INO80D: variants seen among roughly 807,000 people sequenced by gnomAD.
INO80D encodes the protein INO80 complex subunit D.
In INO80D, 21 loss-of-function variants were observed where a neutral mutation model predicts 87.6. The observed-to-expected ratio is 0.24, with a 90% confidence interval of 0.17 to 0.35. The LOEUF is 0.35. INO80D is among the 10% of genes least tolerant of loss of function. The pLI is 1.00. For synonymous variants in INO80D, 440 were observed against 491.0 expected, an observed-to-expected ratio of 0.90 and a Z score of 1.37; for missense variants, 982 against 1,280.7, an observed-to-expected ratio of 0.77 and a Z score of 3.56.
At chr2:206,073,330 C>G (rs969514114) in intron 1 of INO80D, among the ~76,000 whole-genome samples, 3 of 152,170 alleles carry the variant, frequency 2.0e-5, no homozygotes, top group Non-Finnish European at 2.9e-5. Flanking sequence ...TAGCCTTCCA[C>G]AGCTGGCGTT....
rs574914294 is a variant in INO80D at position 206,078,717 on chromosome 2, C to A, written c.-124+7184G>T. On this transcript the variant is annotated intron_variant, in intron 1 of 10. Coordinates refer to ENST00000403263, the MANE Select transcript of INO80D (RefSeq NM_017759.5). ...ATCCCAGCACTTTGGGAGGCCAAGG[C>A]AGGTGGATCACGAGATCAGGAGTTC... Among the ~76,000 whole-genome samples, 191 of 152,246 alleles carry A rather than the reference C, an allele frequency of 1.3e-3. 1 individual carries two copies. The highest frequency in any genetic ancestry group is 4.4e-3 in the African/African-American group (184 of 41,546).
At chr2:206,034,690 AG>A (rs1413975228) in intron 5 of INO80D, among the ~76,000 whole-genome samples, 1 of 138,032 alleles carries the variant, frequency 7.2e-6, no homozygotes, top group Non-Finnish European at 1.7e-5. Flanking sequence ...GAACAAGACA[AG>A]GATGCCCACT....
chr2:206,013,294 C>T (rs2105807511), intron 8 of INO80D, among the ~76,000 whole-genome samples: 1 of 152,160 alleles, frequency 6.6e-6, no homozygotes, highest in Middle Eastern at 3.4e-3. Flanking sequence ...TGGCTTACGC[C>T]TGTAATCCCA....
rs557304541 is a variant in INO80D at position 206,009,578 on chromosome 2, G to A, written c.1759C>T (p.Arg587Trp). The A allele has an allele frequency of 1.2e-5, 20 of 1,609,220 alleles. No homozygotes were observed. The highest frequency in any genetic ancestry group is 1.5e-5 in the Non-Finnish European group (18 of 1,177,958). The change falls in exon 9 of 11, where the codon CGG (arginine) becomes TGG (tryptophan). Residue 587 changes from arginine (R) to tryptophan (W), a missense_variant and splice_region_variant. Coordinates refer to ENST00000403263, the MANE Select transcript of INO80D (RefSeq NM_017759.5). ...TTAGGTGCCAGTGGCACCACTGACC[G>A]GATGTGAGAGGCCTCCACTGGCAGT... ...VSLPVEASHI[R>W]SPSTPELSAD...
chr2:206,081,869 C>A (rs563957643), intron 1 of INO80D, among the ~76,000 whole-genome samples: 1 of 152,100 alleles, frequency 6.6e-6, no homozygotes, highest in African/African-American at 2.4e-5. Context: ...CTCATCTAAC[C>A]CTTATATCAA....
intron 5 of INO80D, among the ~76,000 whole-genome samples, chr2:206,043,223 G>A (rs916443561): frequency 2.6e-5 from 4 of 151,970 alleles, no homozygotes; most frequent in Non-Finnish European, 4.4e-5. Flanking sequence ...CCAGGCTAGG[G>A]TGCAGTGGCA....
At chr2:206,006,511 C>T (rs1045153285) in intron 10 of INO80D, among the ~76,000 whole-genome samples, 8 of 151,498 alleles carry the variant, frequency 5.3e-5, no homozygotes, top group East Asian at 1.9e-4. Context: ...GGTGAAACCC[C>T]GCCTCTACTA....
chr2:206,043,664 T>C (rs1689115101), intron 5 of INO80D, among the ~76,000 whole-genome samples: 2 of 152,028 alleles, frequency 1.3e-5, no homozygotes, highest in African/African-American at 4.8e-5. Flanking sequence ...ATTTTTTCTA[T>C]TTTTAGTAGA....
chr2:206,022,551 T>C (rs1020242738), intron 6 of INO80D, among the ~76,000 whole-genome samples: 2 of 152,150 alleles, frequency 1.3e-5, no homozygotes, highest in African/African-American at 4.8e-5. Context: ...TAAATAATGA[T>C]GTTTCCATAC....
At chr2:206,016,791 T>C (rs1046525893) in intron 8 of INO80D, among the ~76,000 whole-genome samples, 1 of 152,038 alleles carries the variant, frequency 6.6e-6, no homozygotes, top group African/African-American at 2.4e-5. Context: ...GATCTGATGG[T>C]TTTATAAATG....
chr2:206,059,380 CAAAAAACAA>C (rs965189558), intron 3 of INO80D, among the ~76,000 whole-genome samples: 10 of 151,028 alleles, frequency 6.6e-5, no homozygotes, highest in Non-Finnish European at 1.2e-4. Flanking sequence ...GACTCAGCCT[CAAAAAACAA>C]AAAAAACAAA....
intron 3 of INO80D, among the ~76,000 whole-genome samples, chr2:206,058,073 G>A (rs1156620869): frequency 6.6e-6 from 1 of 151,974 alleles, no homozygotes; most frequent in Non-Finnish European, 1.5e-5. Context: ...CGTCTGTGTG[G>A]GCATTGAAAA....
At chr2:206,081,177 A>G (rs541587204) in intron 1 of INO80D, among the ~76,000 whole-genome samples, 2 of 152,262 alleles carry the variant, frequency 1.3e-5, no homozygotes, top group African/African-American at 4.8e-5. Flanking sequence ...TGCAAGGCCT[A>G]TTTGCTCCAG....
chr2:206,025,542 A>AAAAAAAAAAAAAAAAAATAT (rs71301548), intron 6 of INO80D: 1 of 76,936 alleles, frequency 1.3e-5, no homozygotes, highest in Non-Finnish European at 2.6e-5. Flanking sequence ...AAAAAAAAAA[A>AAAAAAAAAAAAAAAAAATAT]ATATATATAT....
intron 5 of INO80D, among the ~76,000 whole-genome samples, chr2:206,036,218 G>C (rs1424994182): frequency 1.3e-5 from 2 of 152,134 alleles, no homozygotes; most frequent in African/African-American, 4.8e-5. Context: ...ACTACCATTT[G>C]ATCCAGCAAT....
intron 1 of INO80D, among the ~76,000 whole-genome samples, chr2:206,084,244 C>T (rs771543154): frequency 3.9e-5 from 3 of 76,494 alleles, no homozygotes; most frequent in Non-Finnish European, 9.2e-5. Context: ...TATACATACA[C>T]ACACACACAC....
chr2:206,059,141 G>A (rs1412476060), intron 3 of INO80D, among the ~76,000 whole-genome samples: 2 of 151,934 alleles, frequency 1.3e-5, no homozygotes, highest in Non-Finnish European at 2.9e-5. Flanking sequence ...AGCACTTTGG[G>A]AGGCCAAGGT....
At chr2:206,054,285 G>C (rs935748380) in intron 4 of INO80D, among the ~76,000 whole-genome samples, 2 of 150,716 alleles carry the variant, frequency 1.3e-5, no homozygotes, top group African/African-American at 2.4e-5. Flanking sequence ...GCCTCCCAAA[G>C]TGCTAGGATT....
intron 8 of INO80D, 130 bp from the exon 9 acceptor site, chr2:206,009,924 A>G (rs1009678156): frequency 4.0e-5 from 27 of 671,044 alleles, no homozygotes; most frequent in Middle Eastern, 4.1e-4. Flanking sequence ...AAAACTATGT[A>G]TAACAATAAT....
Sources: allele counts gnomAD v4.1 joint callset (sites outside exome capture counted in the v4.1 genomes callset), GRCh38; gene constraint gnomAD v4.1.1; transcripts MANE v1.5; gene names NCBI Gene and HGNC (gene_info 2026-07-23, HGNC 2026-07-21).